The following LSAMP variants were observed in gnomAD, a reference collection of about 807,000 sequenced individuals.
LSAMP encodes limbic system-associated membrane protein.
In LSAMP, 7 loss-of-function variants were observed where a neutral mutation model predicts 38.6. That is an observed-to-expected ratio of 0.18 (90% confidence interval 0.10 to 0.34). The LOEUF is 0.34. LSAMP is among the 10% of genes least tolerant of loss of function. LSAMP has a pLI of 1.00. For synonymous variants in LSAMP, 154 were observed against 166.8 expected (o/e 0.92, Z 0.59); for missense variants, 313 against 420.0 (o/e 0.75, Z 2.23).
chr3:116,067,719 A>G (rs1707494170), intron 2 of LSAMP, among the ~76,000 whole-genome samples: 1 of 152,166 alleles, frequency 6.6e-6, no homozygotes, highest in Non-Finnish European at 1.5e-5. Flanking sequence ...AAAACTTGAT[A>G]TGACTGTCTG....
At chr3:116,124,263 G>C (rs1239158309) in intron 1 of LSAMP, among the ~76,000 whole-genome samples, 1 of 152,168 alleles carries the variant, frequency 6.6e-6, no homozygotes, top group African/African-American at 2.4e-5. Context: ...TGCCTAGTTT[G>C]AATAGAAGAC....
rs149733279 is a variant in LSAMP at position 116,173,606 on chromosome 3, T to C, written c.156-87050A>G. ...GTGCAAACCTATACACATACTAGGT[T>C]TCTATTATGTGTATAATACTGCTTT... On this transcript the variant is annotated intron_variant, in intron 1 of 6. Transcript: ENST00000490035. 1.8e-4 allele frequency among the ~76,000 whole-genome samples: 27 copies of C among 152,104 alleles called. No homozygotes were observed. The East Asian group carries it at 5.2e-3, about 29-fold the overall frequency.
intron 1 of LSAMP, among the ~76,000 whole-genome samples, chr3:116,404,058 G>A (rs2048873298): frequency 6.6e-6 from 1 of 151,912 alleles, no homozygotes; most frequent in Non-Finnish European, 1.5e-5. Flanking sequence ...TGTTAAAATA[G>A]GAGATTAAAG....
intron 1 of LSAMP, among the ~76,000 whole-genome samples, chr3:116,216,622 A>G (rs192660567): frequency 5.9e-5 from 9 of 152,340 alleles, no homozygotes; most frequent in Admixed American, 5.9e-4. Context: ...GGGAGACACA[A>G]AAAAACTGTT....
chr3:115,855,248 A>T (rs1359200965), intron 3 of LSAMP, among the ~76,000 whole-genome samples: 2 of 152,244 alleles, frequency 1.3e-5, no homozygotes, highest in Non-Finnish European at 2.9e-5. Flanking sequence ...ATTCTGGAAG[A>T]TGGCACCTAT....
At chr3:116,407,076 C>T (rs2048906875) in intron 1 of LSAMP, among the ~76,000 whole-genome samples, 1 of 151,914 alleles carries the variant, frequency 6.6e-6, no homozygotes, top group South Asian at 2.1e-4. Flanking sequence ...ATTTAAATTT[C>T]AAGTTCTTTA....
chr3:116,182,410 T>G (rs1230747250), intron 1 of LSAMP, among the ~76,000 whole-genome samples: 1 of 151,320 alleles, frequency 6.6e-6, no homozygotes. Context: ...TACAAGATGG[T>G]GAACAAAATA....
chr3:116,041,802 AAAAC>A (rs1941177154), intron 2 of LSAMP, among the ~76,000 whole-genome samples: 1 of 150,100 alleles, frequency 6.7e-6, no homozygotes. Flanking sequence ...CATGCAAAAA[AAAAC>A]AAAACAAAAC....
intron 1 of LSAMP, among the ~76,000 whole-genome samples, chr3:116,438,060 C>CAAAAAAAA: frequency 7.9e-6 from 1 of 126,312 alleles, no homozygotes; most frequent in Non-Finnish European, 1.6e-5. Context: ...CAGGTAACTA[C>CAAAAAAAA]AAAAAAAAAA....
At chr3:116,108,210 G>A (rs1003161061) in intron 1 of LSAMP, among the ~76,000 whole-genome samples, 1 of 152,160 alleles carries the variant, frequency 6.6e-6, no homozygotes, top group African/African-American at 2.4e-5. Context: ...CTTTGGATTG[G>A]GAAGAAGGGC....
At chr3:115,878,684 A>C (rs1188857228) in intron 3 of LSAMP, among the ~76,000 whole-genome samples, 1 of 151,524 alleles carries the variant, frequency 6.6e-6, no homozygotes, top group African/African-American at 2.4e-5. Context: ...CTGCTCTAGA[A>C]CTCCTGGCCT....
chr3:116,171,612 T>C (rs774542189), intron 1 of LSAMP, among the ~76,000 whole-genome samples: 1 of 152,102 alleles, frequency 6.6e-6, no homozygotes, highest in Non-Finnish European at 1.5e-5. Context: ...CAACTTCTTA[T>C]CACCCATAAT....
intron 1 of LSAMP, among the ~76,000 whole-genome samples, chr3:116,435,203 A>G (rs2107879223): frequency 6.6e-6 from 1 of 152,236 alleles, no homozygotes; most frequent in East Asian, 1.9e-4. Context: ...TTTGGTACAG[A>G]GCTTCAGCTC....
At chr3:116,110,045 G>A (rs935938053) in intron 1 of LSAMP, among the ~76,000 whole-genome samples, 7 of 151,910 alleles carry the variant, frequency 4.6e-5, no homozygotes, top group Admixed American at 6.6e-5. Flanking sequence ...ATAAGAGGTC[G>A]GGGTGTGGAA....
chr3:116,374,524 C>T (rs1646174580), intron 1 of LSAMP, among the ~76,000 whole-genome samples: 3 of 151,788 alleles, frequency 2.0e-5, no homozygotes, highest in African/African-American at 7.3e-5. Flanking sequence ...CTCCATGACA[C>T]CAAGAATGTC....
intron 3 of LSAMP, among the ~76,000 whole-genome samples, chr3:115,854,279 A>ATTTTTTTTTT (rs1182024413): frequency 6.0e-5 from 7 of 116,390 alleles, no homozygotes; most frequent in African/African-American, 1.7e-4. Flanking sequence ...TATTATTATT[A>ATTTTTTTTTT]TTATTTTTTT....
chr3:116,210,165 G>T (rs1285988662), intron 1 of LSAMP, among the ~76,000 whole-genome samples: 3 of 152,206 alleles, frequency 2.0e-5, no homozygotes, highest in African/African-American at 7.2e-5. Flanking sequence ...TGATGATGGT[G>T]ATAATGATGA....
rs144793512 is a variant in LSAMP, at chr3:116,406,132, T to TCAACAACAAA, written c.155+38744_155+38745insTTTGTTGTTG. 2.0e-3 allele frequency among the ~76,000 whole-genome samples: 302 copies of TCAACAACAAA among 152,186 alleles called. 2 individuals are homozygous for TCAACAACAAA. The highest frequency in any genetic ancestry group is 7.1e-3 in the African/African-American group (297 of 41,542). Reference sequence around the variant, plus strand: ...GTACATCTGCCAAAAAAATTAAAGGTCAACAAACAACATGGTATCTGAAAT... The same window carrying TCAACAACAAA: ...GTACATCTGCCAAAAAAATTAAAGGTCAACAACAAACAACAAACAACATGGTATCTGAAAT... On this transcript the variant is annotated intron_variant, in intron 1 of 6. Coordinates refer to ENST00000490035, the MANE Select transcript of LSAMP (RefSeq NM_002338.5).
chr3:116,434,299 C>T (rs1031072510), intron 1 of LSAMP, among the ~76,000 whole-genome samples: 10 of 152,236 alleles, frequency 6.6e-5, no homozygotes, highest in Middle Eastern at 3.4e-3. Flanking sequence ...TGAGCATCCA[C>T]GGGTACTGAG....
Sources: gnomAD v4.1 joint callset for allele counts (sites outside exome capture counted in the v4.1 genomes callset) on GRCh38, gnomAD v4.1.1 for gene constraint, MANE v1.5 for transcripts, NCBI Gene and HGNC (gene_info 2026-07-23, HGNC 2026-07-21) for gene names.